The following SORBS2 variants were observed in gnomAD, a reference collection of about 807,000 sequenced individuals.
SORBS2 encodes the protein sorbin and SH3 domain-containing protein 2.
SORBS2 carries 46 observed loss-of-function variants against 97.7 expected under a neutral mutation model. That is an observed-to-expected ratio of 0.47 (90% CI 0.37 to 0.60). SORBS2 has a LOEUF of 0.60. SORBS2 is among the 20% of genes least tolerant of loss of function. SORBS2 has a pLI of 0.00. For synonymous variants in SORBS2, 476 were observed against 473.4 expected (o/e 1.01, Z -0.07); for missense variants, 1,316 against 1,282.3 (o/e 1.03, Z -0.40).
intron 1 of SORBS2, among the ~76,000 whole-genome samples, chr4:185,912,760 A>T (rs546549883): frequency 6.6e-6 from 1 of 152,272 alleles, no homozygotes; most frequent in African/African-American, 2.4e-5. Flanking sequence ...AGAAAAGTAA[A>T]CTTACATTTT....
intron 1 of SORBS2, among the ~76,000 whole-genome samples, chr4:185,930,207 C>A (rs1423792100): frequency 6.6e-6 from 1 of 152,170 alleles, no homozygotes; most frequent in Non-Finnish European, 1.5e-5. Context: ...AACAAGAAAA[C>A]CCCATAGAAT....
At chr4:185,666,844 ATAGT>A (rs2097611636) in intron 4 of SORBS2, among the ~76,000 whole-genome samples, 1 of 152,242 alleles carries the variant, frequency 6.6e-6, no homozygotes, top group African/African-American at 2.4e-5. Context: ...GCCACTGATA[ATAGT>A]TAGAATGTAC....
At chr4:185,622,083 T>G (rs143420359) in intron 7 of SORBS2, among the ~76,000 whole-genome samples, 1 of 152,358 alleles carries the variant, frequency 6.6e-6, no homozygotes, top group Admixed American at 6.5e-5. Context: ...GTCACAAATA[T>G]TAAAACACCC....
intron 2 of SORBS2, among the ~76,000 whole-genome samples, chr4:185,732,291 G>A (rs777332606): frequency 1.2e-4 from 19 of 152,198 alleles, no homozygotes; most frequent in Admixed American, 5.9e-4. Flanking sequence ...TCAATAGCAT[G>A]TGTGAATAGG....
At chr4:185,631,155 T>C (rs2096900130) in intron 4 of SORBS2, among the ~76,000 whole-genome samples, 1 of 152,204 alleles carries the variant, frequency 6.6e-6, no homozygotes, top group Non-Finnish European at 1.5e-5. Context: ...CCCACAGAGT[T>C]TGACTTGAAG....
intron 12 of SORBS2, among the ~76,000 whole-genome samples, chr4:185,611,084 A>T (rs1463917650): frequency 6.6e-6 from 1 of 152,174 alleles, no homozygotes; most frequent in Non-Finnish European, 1.5e-5. Context: ...TAGCCCGCTC[A>T]AGTGAAACAG....
intron 12 of SORBS2, among the ~76,000 whole-genome samples, chr4:185,598,621 A>T (rs2096177133): frequency 6.6e-6 from 1 of 152,200 alleles, no homozygotes; most frequent in South Asian, 2.1e-4. Context: ...AATGCAAAAA[A>T]ATCTCTGAAA....
At chr4:185,931,220 A>T (rs1028373451) in intron 1 of SORBS2, among the ~76,000 whole-genome samples, 11 of 152,238 alleles carry the variant, frequency 7.2e-5, no homozygotes, top group African/African-American at 2.7e-4. Context: ...GAGAAGGAAG[A>T]GGAGAATCCA....
chr4:185,701,222 C>T (rs2098257331), intron 2 of SORBS2, among the ~76,000 whole-genome samples: 1 of 152,184 alleles, frequency 6.6e-6, no homozygotes. Context: ...CTTGGAAAAG[C>T]AGAAAAATTT....
intron 2 of SORBS2, among the ~76,000 whole-genome samples, chr4:185,745,909 T>C (rs1279934330): frequency 6.6e-6 from 1 of 152,182 alleles, no homozygotes; most frequent in African/African-American, 2.4e-5. Flanking sequence ...CTCACAGATA[T>C]GTTTCCTGGT....
intron 1 of SORBS2, chr4:185,918,098 G>C (rs2099259186): frequency 2.6e-5 from 4 of 152,116 alleles, no homozygotes; most frequent in South Asian, 4.1e-4. Context: ...TACTCAACCA[G>C]TGTTTACTAG....
intron 1 of SORBS2, among the ~76,000 whole-genome samples, chr4:185,877,480 T>C (rs1034485381): frequency 3.3e-5 from 5 of 152,202 alleles, no homozygotes; most frequent in Non-Finnish European, 7.3e-5. Flanking sequence ...ATTTAATCAT[T>C]GAAAATACAG....
At chr4:185,589,743 C>T in exon 14 of SORBS2, 1 of 1,613,042 alleles carries the variant, frequency 6.2e-7, no homozygotes, top group Non-Finnish European at 8.5e-7. Flanking sequence ...TGAGCTCCAG[C>T]TCATCTTCAT....
chr4:185,695,916 G>A (rs974004772), intron 2 of SORBS2, among the ~76,000 whole-genome samples: 1 of 152,134 alleles, frequency 6.6e-6, no homozygotes, highest in African/African-American at 2.4e-5. Context: ...CTGAGTGGGT[G>A]GCACACAAGT....
intron 2 of SORBS2, among the ~76,000 whole-genome samples, chr4:185,714,278 A>T (rs2153551487): frequency 6.6e-6 from 1 of 152,348 alleles, no homozygotes; most frequent in South Asian, 2.1e-4. Context: ...GATATTTTGC[A>T]GCAGTGTCTT....
At chr4:185,903,767 C>G (rs1379073470) in intron 1 of SORBS2, among the ~76,000 whole-genome samples, 1 of 152,136 alleles carries the variant, frequency 6.6e-6, no homozygotes, top group Non-Finnish European at 1.5e-5. Flanking sequence ...TCAGATTGCA[C>G]GATAACCTTG....
At chr4:185,892,203 A>AT (rs2099242880) in intron 1 of SORBS2, among the ~76,000 whole-genome samples, 1 of 152,220 alleles carries the variant, frequency 6.6e-6, no homozygotes, top group Non-Finnish European at 1.5e-5. Context: ...AAGAATTTCA[A>AT]TTGCTTTAAG....
At chr4:185,602,095 C>CTG (rs1274725157) in intron 12 of SORBS2, among the ~76,000 whole-genome samples, 1 of 151,766 alleles carries the variant, frequency 6.6e-6, no homozygotes, top group Non-Finnish European at 1.5e-5. Flanking sequence ...ACTGCAACCT[C>CTG]TGCCTCCCGG....
chr4:185,657,294 G>A, upstream of SORBS2: 1 of 746,406 alleles, frequency 1.3e-6, no homozygotes. Flanking sequence ...TAACATTCAT[G>A]AGAAGTCGGA....
Sources: gnomAD v4.1 joint callset for allele counts (sites outside exome capture counted in the v4.1 genomes callset) on GRCh38, gnomAD v4.1.1 for gene constraint, MANE v1.5 for transcripts, NCBI Gene and HGNC (gene_info 2026-07-23, HGNC 2026-07-21) for gene names.